Variants in DAW1 observed in about 807,000 individuals in gnomAD.
DAW1 encodes dynein assembly factor with WD repeats 1.
In DAW1, 47 loss-of-function variants were observed where a neutral mutation model predicts 56.5. The ratio of observed to expected loss-of-function variants is 0.83; its 90% CI spans 0.66 to 1.06. The LOEUF (loss-of-function observed/expected upper bound fraction) is 1.06. Ranked by LOEUF, DAW1 falls within the 50% of genes least tolerant of loss-of-function variation. The pLI is 0.00. For missense variants in DAW1, 505 were observed against 499.3 expected (o/e 1.01, Z -0.11); for synonymous variants, 190 against 179.0 (o/e 1.06, Z -0.49).
At chr2:227,893,658 C>T (rs930899062) in intron 4 of DAW1, 137 bp from the exon 5 acceptor site, 30 of 1,318,244 alleles carry the variant, frequency 2.3e-5, no homozygotes, top group Non-Finnish European at 2.8e-5. Context: ...AGTGACAGAG[C>T]GAGACTCCCT....
intron 10 of DAW1, among the ~76,000 whole-genome samples, chr2:227,913,265 C>T (rs79680122): frequency 0.2 from 30,106 of 152,016 alleles, 3,248 homozygotes; most frequent in Middle Eastern, 0.32. Context: ...TCCTTCATAT[C>T]GACATGTGAT....
In DAW1 at chr2:227,893,880, A is replaced by C; in HGVS notation, c.403A>C (p.Asn135His). 6.2e-7 allele frequency: 1 copy of C among 1,613,632 alleles called. No homozygotes were observed. The highest frequency in any genetic ancestry group is 8.5e-7 in the Non-Finnish European group (1 of 1,179,836). ...EELNTLEGHR[N>H]VVYAIAFNNP... ...GCTGAACACGCTGGAGGGCCACAGG[A>C]ATGTGGTTTATGCCATAGCATTCAA... is the stretch of plus-strand genomic sequence containing the variant. Residue 135 changes from asparagine (N) to histidine (H), a missense_variant, in exon 5 of 13, where the codon AAT becomes CAT. Transcript: ENST00000309931.
chr2:227,899,329 C>G (rs1167815642), intron 6 of DAW1, among the ~76,000 whole-genome samples: 1 of 152,190 alleles, frequency 6.6e-6, no homozygotes, highest in Non-Finnish European at 1.5e-5. Context: ...AGATATTTAA[C>G]TCACTAACTT....
intron 9 of DAW1, among the ~76,000 whole-genome samples, chr2:227,906,685 CT>C (rs1390036620): frequency 1.3e-5 from 2 of 152,082 alleles, no homozygotes; most frequent in Admixed American, 6.6e-5. Flanking sequence ...AGTTTCTATA[CT>C]TAAAAAATGG....
At chr2:227,906,199 A>G (rs1559310566) in intron 8 of DAW1, 37 bp from the exon 9 acceptor site, 7 of 1,530,934 alleles carry the variant, frequency 4.6e-6, no homozygotes, top group East Asian at 2.3e-5. Flanking sequence ...CTGAAGTAAG[A>G]TATCTTTCAC....
chr2:227,878,375 T>C (rs749869686), intron 1 of DAW1, among the ~76,000 whole-genome samples: 4 of 152,220 alleles, frequency 2.6e-5, no homozygotes, highest in Non-Finnish European at 4.4e-5. Context: ...GTATCTTTCT[T>C]GAATTTTCAA....
At chr2:227,880,257 A>G (rs1690977268) in intron 1 of DAW1, among the ~76,000 whole-genome samples, 2 of 151,938 alleles carry the variant, frequency 1.3e-5, no homozygotes, top group South Asian at 2.1e-4. Flanking sequence ...TTTGTATTCT[A>G]TTTATCTTTT....
At chr2:227,887,036 C>T (rs1300004725) in intron 2 of DAW1, among the ~76,000 whole-genome samples, 1 of 152,126 alleles carries the variant, frequency 6.6e-6, no homozygotes, top group African/African-American at 2.4e-5. Flanking sequence ...GAGAGAGGGG[C>T]TCTCTTAATC....
chr2:227,898,556 G>A (rs1034792275), intron 6 of DAW1, among the ~76,000 whole-genome samples: 3 of 152,050 alleles, frequency 2.0e-5, no homozygotes, highest in East Asian at 1.9e-4. Context: ...TCTTGACCTC[G>A]TGATCCACCC....
At chr2:227,881,632 C>G (rs1189360788) in intron 1 of DAW1, among the ~76,000 whole-genome samples, 2 of 151,586 alleles carry the variant, frequency 1.3e-5, no homozygotes, top group East Asian at 3.9e-4. Context: ...TCTCAACCAG[C>G]AAACTTATAG....
At chr2:227,902,857 G>T in intron 6 of DAW1, 145 bp from the exon 7 acceptor site, 1 of 756,274 alleles carries the variant, frequency 1.3e-6, no homozygotes. Context: ...CTCAACCTGG[G>T]GGTAGCAGGT....
chr2:227,885,275 CTG>C (rs2106190685), intron 1 of DAW1, 74 bp from the exon 2 acceptor site: 1 of 1,021,906 alleles, frequency 9.8e-7, no homozygotes, highest in East Asian at 2.7e-5. Flanking sequence ...ATGGAAAAAA[CTG>C]TGGCAAGGTA....
At chr2:227,877,559 C>T (rs1199270263) in intron 1 of DAW1, among the ~76,000 whole-genome samples, 4 of 152,340 alleles carry the variant, frequency 2.6e-5, no homozygotes, top group Non-Finnish European at 5.9e-5. Context: ...ATCAATGTTA[C>T]ACAACCTTTT....
At chr2:227,911,199 C>T (rs1691806004) in intron 10 of DAW1, among the ~76,000 whole-genome samples, 1 of 88,626 alleles carries the variant, frequency 1.1e-5, no homozygotes, top group South Asian at 3.2e-4. Flanking sequence ...TATACACATA[C>T]ATATATATGT....
chr2:227,903,114 G>A lies in DAW1; in HGVS notation c.648+5G>A. On this transcript the variant is annotated splice_donor_5th_base_variant and intron_variant, in intron 7 of 12. Coordinates refer to ENST00000309931, the MANE Select transcript of DAW1 (RefSeq NM_178821.3). ...GAGGAAGTTTACACCTTAAGAGTAT[G>A]TCAATAATGTTAATAAGCCTGTTAT... 1.2e-6 allele frequency: 2 copies of A among 1,610,960 alleles called. No homozygotes were observed. The highest frequency in any genetic ancestry group is 1.7e-6 in the Non-Finnish European group (2 of 1,177,336).
In DAW1 at chr2:227,904,934, T is replaced by C. The variant is rs945817100; in HGVS notation, c.654T>C (p.His218=). 1 of 1,612,484 alleles carries C rather than the reference T, an allele frequency of 6.2e-7. No individual in the cohort carries two copies. Among genetic ancestry groups the C allele is most frequent in the Admixed American group, 1.7e-5 (1 of 59,832 alleles). Residue 218 remains histidine, a synonymous_variant, in exon 8 of 13, where the codon CAT becomes CAC. Transcript: ENST00000309931. ...AGTATCTGCTCTTTTTCTAGGGACA[T>C]TCTGCCGAAATCATCTCCTTGTCAT... The part of the protein sequence containing the change: ...NGEEVYTLRG[H]SAEIISLSFN...
In DAW1 at chr2:227,918,187, C is replaced by CATCCATCCATCCATCCAT. The variant is rs1553604211; in HGVS notation, c.974-593_974-592insATCCATCCATCCATCCAT. Among the ~76,000 whole-genome samples, 144 of 96,186 alleles carry CATCCATCCATCCATCCAT rather than the reference C, an allele frequency of 1.5e-3. 2 individuals carry two copies. The highest frequency in any genetic ancestry group is 2.4e-5 in the Non-Finnish European group (1 of 42,068). The allele number at this position is 96,186 out of a possible 152,430, so 63.1% of individuals were successfully genotyped here. On this transcript the variant is annotated intron_variant, in intron 10 of 12. Transcript: ENST00000309931. ...ATCCATCCATCATCCATCCATCCATCCATCCATCCATCCATCCATCCATCC... is the reference window on the plus strand; with the variant it reads ...ATCCATCCATCATCCATCCATCCATCATCCATCCATCCATCCATCATCCATCCATCCATCCATCCATCC...
At chr2:227,900,535 G>GGA (rs752870036) in intron 6 of DAW1, among the ~76,000 whole-genome samples, 33 of 152,148 alleles carry the variant, frequency 2.2e-4, no homozygotes, top group Non-Finnish European at 4.1e-4. Context: ...ATTTCAGTGT[G>GGA]GACACAGAGG....
At chr2:227,876,542 T>C (rs1423028410) in intron 1 of DAW1, 1 of 1,270,636 alleles carries the variant, frequency 7.9e-7, no homozygotes, top group Non-Finnish European at 1.0e-6. Flanking sequence ...ATTATTCCAC[T>C]GAATCATTCC....
Sources: allele counts gnomAD v4.1 joint callset (sites outside exome capture counted in the v4.1 genomes callset), GRCh38; gene constraint gnomAD v4.1.1; transcripts MANE v1.5; gene names NCBI Gene and HGNC (gene_info 2026-07-23, HGNC 2026-07-21).